Variants in RABGAP1L observed in about 807,000 individuals in gnomAD.
RABGAP1L encodes the protein RAB GTPase activating protein 1 like.
RABGAP1L carries 63 observed loss-of-function variants against 137.7 expected under a neutral mutation model. That is an observed-to-expected ratio of 0.46 (90% CI 0.37 to 0.56). The LOEUF (loss-of-function observed/expected upper bound fraction) is 0.56. Ranked by LOEUF, RABGAP1L falls within the 20% of genes least tolerant of loss-of-function variation. The pLI, the probability that RABGAP1L is intolerant of heterozygous loss-of-function variation, is 0.00. For missense variants in RABGAP1L, 1,095 were observed against 1,244.0 expected (o/e 0.88, Z 1.80); for synonymous variants, 431 against 433.7 (o/e 0.99, Z 0.08).
intron 13 of RABGAP1L, among the ~76,000 whole-genome samples, chr1:174,509,817 C>A (rs1045755965): frequency 6.6e-6 from 1 of 152,208 alleles, no homozygotes; most frequent in East Asian, 1.9e-4. Flanking sequence ...GCCTTCACTA[C>A]CTCAGTTCAT....
At chr1:174,788,822 G>A (rs966274490) in intron 18 of RABGAP1L, among the ~76,000 whole-genome samples, 7 of 151,990 alleles carry the variant, frequency 4.6e-5, no homozygotes, top group African/African-American at 1.5e-4. Context: ...AGTGATCCTC[G>A]TGCCTCAGCC....
intron 13 of RABGAP1L, among the ~76,000 whole-genome samples, chr1:174,510,258 T>C (rs1662207814): frequency 2.6e-5 from 4 of 152,236 alleles, no homozygotes; most frequent in Admixed American, 2.6e-4. Context: ...TTTCCATCCA[T>C]ATGTCTTTTC....
intron 13 of RABGAP1L, among the ~76,000 whole-genome samples, chr1:174,611,325 T>C (rs1028204117): frequency 6.6e-5 from 10 of 152,112 alleles, no homozygotes; most frequent in Non-Finnish European, 1.0e-4. Flanking sequence ...CCTTTCCCCA[T>C]TGCTTGTTTT....
At chr1:174,598,081 A>C (rs1036219886) in intron 13 of RABGAP1L, among the ~76,000 whole-genome samples, 1 of 152,138 alleles carries the variant, frequency 6.6e-6, no homozygotes, top group Non-Finnish European at 1.5e-5. Context: ...CTGTAATCCC[A>C]GAACTTTGAG....
chr1:174,840,070 A>T (rs1214713979), intron 19 of RABGAP1L, among the ~76,000 whole-genome samples: 1 of 152,214 alleles, frequency 6.6e-6, no homozygotes, highest in Non-Finnish European at 1.5e-5. Context: ...ATTCACATTT[A>T]GGGGACTAAG....
intron 10 of RABGAP1L, among the ~76,000 whole-genome samples, chr1:174,295,209 G>A (rs1228366016): frequency 6.8e-6 from 1 of 147,660 alleles, no homozygotes; most frequent in Non-Finnish European, 1.5e-5. Flanking sequence ...GAGCCACTGC[G>A]CCCGGACTTT....
Position 174,195,616 on chromosome 1 carries a change from T to TCTTTCTTTCTTC in RABGAP1L, c.-33-23506_-33-23505insTCTTTCTTCCTT, listed in dbSNP as rs1234228992. On this transcript the variant is annotated intron_variant, in intron 1 of 25. Transcript: ENST00000681986. ...TTCTTTCTTTCTTTCTTTCTTTCTT[T>TCTTTCTTTCTTC]CTTCCTTCCTTCCTTCCTTCCTTCC... 6.4e-4 allele frequency among the ~76,000 whole-genome samples: 37 copies of TCTTTCTTTCTTC among 57,666 alleles called. 1 individual carries two copies. Among genetic ancestry groups the TCTTTCTTTCTTC allele is most frequent in the Admixed American group, 7.0e-4 (3 of 4,290 alleles). 37.8% of individuals were successfully genotyped at this position (57,666 alleles called of 152,430 possible).
intron 18 of RABGAP1L, among the ~76,000 whole-genome samples, chr1:174,767,695 A>G (rs1472513158): frequency 6.6e-6 from 1 of 151,986 alleles, no homozygotes; most frequent in Non-Finnish European, 1.5e-5. Flanking sequence ...TTTAATATTC[A>G]TGTATGTGTA....
intron 16 of RABGAP1L, among the ~76,000 whole-genome samples, chr1:174,701,824 A>G (rs984863649): frequency 2.0e-5 from 3 of 152,116 alleles, no homozygotes; most frequent in African/African-American, 7.2e-5. Context: ...TACACTACAG[A>G]TGCTCTGGTA....
At chr1:174,385,496 T>C (rs980181868) in intron 12 of RABGAP1L, among the ~76,000 whole-genome samples, 2 of 152,142 alleles carry the variant, frequency 1.3e-5, no homozygotes, top group Non-Finnish European at 2.9e-5. Flanking sequence ...GAGTCATCAG[T>C]ATATAGATGG....
chr1:174,649,806 C>G (rs909025417), intron 14 of RABGAP1L, among the ~76,000 whole-genome samples: 5 of 152,110 alleles, frequency 3.3e-5, no homozygotes, highest in Admixed American at 6.5e-5. Flanking sequence ...TCCTCTTTTC[C>G]TAACTGAATA....
At chr1:174,635,243 A>C (rs1005640077) in intron 13 of RABGAP1L, among the ~76,000 whole-genome samples, 1 of 152,114 alleles carries the variant, frequency 6.6e-6, no homozygotes, top group Non-Finnish European at 1.5e-5. Context: ...CTCTCTCTTA[A>C]TGTCCTGAAA....
intron 10 of RABGAP1L, among the ~76,000 whole-genome samples, chr1:174,280,730 G>C (rs1055149047): frequency 6.6e-6 from 1 of 152,208 alleles, no homozygotes; most frequent in Non-Finnish European, 1.5e-5. Context: ...TAGAGTCTGG[G>C]AAAGTAAACT....
intron 19 of RABGAP1L, among the ~76,000 whole-genome samples, chr1:174,870,683 T>G (rs1652032673): frequency 6.6e-6 from 1 of 152,156 alleles, no homozygotes; most frequent in South Asian, 2.1e-4. Context: ...GAAATGAGAT[T>G]TTGTGTTTAG....
At chr1:174,528,910 TG>T (rs1180829649) in intron 13 of RABGAP1L, among the ~76,000 whole-genome samples, 3 of 151,696 alleles carry the variant, frequency 2.0e-5, no homozygotes, top group Non-Finnish European at 2.9e-5. Flanking sequence ...TTTTTATTTT[TG>T]GTCTGTGTTA....
At chr1:174,877,369 A>T in intron 19 of RABGAP1L, 9 of 1,280,950 alleles carry the variant, frequency 7.0e-6, no homozygotes, top group Non-Finnish European at 4.2e-6. Flanking sequence ...TGGATTTTTG[A>T]CACTCCACCC....
At chr1:174,936,903 A>G (rs1471412905) in intron 19 of RABGAP1L, among the ~76,000 whole-genome samples, 4 of 151,950 alleles carry the variant, frequency 2.6e-5, no homozygotes, top group African/African-American at 7.2e-5. Flanking sequence ...AAATTGTCTT[A>G]GGACAACTGT....
intron 19 of RABGAP1L, among the ~76,000 whole-genome samples, chr1:174,915,964 A>G (rs1660796543): frequency 2.0e-5 from 3 of 151,976 alleles, no homozygotes; most frequent in Admixed American, 1.3e-4. Context: ...TTTTGGTGTC[A>G]TCTAATAAAT....
intron 19 of RABGAP1L, among the ~76,000 whole-genome samples, chr1:174,915,596 G>C (rs1363975042): frequency 6.6e-6 from 1 of 152,034 alleles, no homozygotes; most frequent in East Asian, 1.9e-4. Context: ...AGCTAGGACT[G>C]CAGGCACACG....
Sources: gnomAD v4.1 joint callset for allele counts (sites outside exome capture counted in the v4.1 genomes callset) on GRCh38, gnomAD v4.1.1 for gene constraint, MANE v1.5 for transcripts, NCBI Gene and HGNC (gene_info 2026-07-23, HGNC 2026-07-21) for gene names.